Variants in WWOX observed in about 807,000 individuals in gnomAD.
WWOX encodes WW domain containing oxidoreductase.
In WWOX, 69 loss-of-function variants were observed where a neutral mutation model predicts 46.2. The observed-to-expected ratio is 1.49, with a 90% CI of 1.23 to 1.82. The LOEUF is 1.82. Ranked by LOEUF, WWOX falls within the 40% of genes most tolerant of loss-of-function variation. The pLI, the probability that WWOX is intolerant of heterozygous loss-of-function variation, is 0.00. For missense variants in WWOX, 919 were observed against 542.6 expected, an observed-to-expected ratio of 1.69 and a Z score of -6.89; for synonymous variants, 359 against 202.6, an observed-to-expected ratio of 1.77 and a Z score of -6.56.
chr16:78,362,815 C>T (rs1294612986), intron 5 of WWOX, among the ~76,000 whole-genome samples: 4 of 152,162 alleles, frequency 2.6e-5, no homozygotes, highest in African/African-American at 9.7e-5. Context: ...AATCATCTCA[C>T]AATCTTATGA....
intron 8 of WWOX, among the ~76,000 whole-genome samples, chr16:79,063,208 A>C (rs1170750796): frequency 6.6e-6 from 1 of 152,238 alleles, no homozygotes; most frequent in Non-Finnish European, 1.5e-5. Flanking sequence ...CAGTATGTGA[A>C]ATAGACCTCG....
intron 8 of WWOX, among the ~76,000 whole-genome samples, chr16:78,721,531 T>A (rs1363791491): frequency 6.6e-6 from 1 of 152,124 alleles, no homozygotes; most frequent in African/African-American, 2.4e-5. Flanking sequence ...GGAACCAGAG[T>A]ATTTGCTCTT....
chr16:78,607,943 A>G (rs2045802004), intron 8 of WWOX, among the ~76,000 whole-genome samples: 1 of 152,146 alleles, frequency 6.6e-6, no homozygotes, highest in Admixed American at 6.5e-5. Context: ...TGAATTATGG[A>G]AAGAAAATCG....
At chr16:79,103,750 C>G (rs1025393911) in intron 8 of WWOX, among the ~76,000 whole-genome samples, 4 of 152,028 alleles carry the variant, frequency 2.6e-5, no homozygotes, top group Non-Finnish European at 5.9e-5. Context: ...TAAGTCCGTT[C>G]AAGGCATTCA....
chr16:78,443,895 C>T (rs976021533), intron 8 of WWOX, among the ~76,000 whole-genome samples: 4 of 152,106 alleles, frequency 2.6e-5, no homozygotes, highest in African/African-American at 9.7e-5. Flanking sequence ...GGCTGCAACG[C>T]AGTTTAGATA....
intron 8 of WWOX, among the ~76,000 whole-genome samples, chr16:79,151,065 G>A (rs923424664): frequency 2.0e-5 from 3 of 152,074 alleles, no homozygotes; most frequent in African/African-American, 7.2e-5. Context: ...TCTGCTATTG[G>A]CACATCTATG....
intron 8 of WWOX, among the ~76,000 whole-genome samples, chr16:79,031,893 CAGATATCTATATATAT>C (rs1435294495): frequency 3.5e-4 from 23 of 66,038 alleles, no homozygotes; most frequent in Non-Finnish European, 7.4e-4. Context: ...TATCTGTATA[CAGATATCTATATATAT>C]AGATATCTAT....
At chr16:79,093,673 C>T (rs1031018279) in intron 8 of WWOX, among the ~76,000 whole-genome samples, 3 of 152,134 alleles carry the variant, frequency 2.0e-5, no homozygotes, top group African/African-American at 7.2e-5. Flanking sequence ...CACTTCCTGT[C>T]GAGGCACAGG....
chr16:78,160,086 T>A (rs974601666), intron 4 of WWOX, among the ~76,000 whole-genome samples: 8 of 152,160 alleles, frequency 5.3e-5, no homozygotes, highest in African/African-American at 1.7e-4. Flanking sequence ...CTCCTTTTAT[T>A]TCCATCGTTC....
chr16:78,762,831 C>G (rs1597568820), intron 8 of WWOX, among the ~76,000 whole-genome samples: 1 of 152,172 alleles, frequency 6.6e-6, no homozygotes, highest in African/African-American at 2.4e-5. Context: ...ATCATAAAAG[C>G]ACCTACTTGT....
intron 8 of WWOX, among the ~76,000 whole-genome samples, chr16:79,053,354 G>T (rs1440250297): frequency 6.6e-6 from 1 of 152,150 alleles, no homozygotes; most frequent in Non-Finnish European, 1.5e-5. Context: ...CAGCAACGTG[G>T]CCCTGCTTCT....
At chr16:79,105,972 C>T (rs1007759960) in intron 8 of WWOX, 7 of 152,200 alleles carry the variant, frequency 4.6e-5, no homozygotes, top group Non-Finnish European at 1.0e-4. Flanking sequence ...TGCACTGGGC[C>T]AGGAATATCT....
chr16:78,627,157 G>T (rs1245190439), intron 8 of WWOX, among the ~76,000 whole-genome samples: 1 of 152,006 alleles, frequency 6.6e-6, no homozygotes. Flanking sequence ...GGCAGTGTGG[G>T]TGAGTTCTCC....
chr16:79,074,304 A>G (rs937481250), intron 8 of WWOX, among the ~76,000 whole-genome samples: 5 of 146,156 alleles, frequency 3.4e-5, no homozygotes, highest in Non-Finnish European at 7.4e-5. Context: ...GTTGGCTGTC[A>G]CCCCCATTTC....
chr16:78,724,144 C>A (rs1263040171), intron 8 of WWOX, among the ~76,000 whole-genome samples: 3 of 152,162 alleles, frequency 2.0e-5, no homozygotes, highest in Non-Finnish European at 2.9e-5. Context: ...ACTATTTAGC[C>A]AGTCTTTGCC....
At chr16:78,226,275 A>G (rs998732072) in intron 5 of WWOX, among the ~76,000 whole-genome samples, 1 of 152,142 alleles carries the variant, frequency 6.6e-6, no homozygotes, top group African/African-American at 2.4e-5. Flanking sequence ...CCTCCCAGCC[A>G]TCAAGGAAAA....
intron 8 of WWOX, among the ~76,000 whole-genome samples, chr16:79,080,602 A>C (rs1040552015): frequency 1.3e-5 from 2 of 152,178 alleles, no homozygotes; most frequent in Admixed American, 1.3e-4. Context: ...CTGGATTTGG[A>C]TGGACTCAAT....
chr16:79,016,835 A>T (rs2047423524), intron 8 of WWOX: 1 of 152,300 alleles, frequency 6.6e-6, no homozygotes, highest in Middle Eastern at 3.4e-3. Flanking sequence ...AAGAAGACTG[A>T]CGTCGTGTTA....
intron 8 of WWOX, among the ~76,000 whole-genome samples, chr16:78,752,856 T>C (rs929305005): frequency 1.1e-4 from 17 of 152,000 alleles, no homozygotes; most frequent in African/African-American, 3.9e-4. Flanking sequence ...ATTCCAGGAG[T>C]CAGGCTTCCT....
Sources: allele counts gnomAD v4.1 joint callset (sites outside exome capture counted in the v4.1 genomes callset), GRCh38; gene constraint gnomAD v4.1.1; transcripts MANE v1.5; gene names NCBI Gene and HGNC (gene_info 2026-07-23, HGNC 2026-07-21).